SMOC1: variants seen among roughly 807,000 people sequenced by gnomAD.
SMOC1 encodes SPARC-related modular calcium-binding protein 1.
SMOC1 carries 22 observed loss-of-function variants against 56.3 expected under a neutral mutation model. The ratio of observed to expected loss-of-function variants is 0.39; its 90% confidence interval spans 0.28 to 0.56. The LOEUF is 0.56. SMOC1 is among the 20% of genes least tolerant of loss of function. The pLI is 0.61. For synonymous variants in SMOC1, 193 were observed against 215.0 expected (o/e 0.90, Z 0.89); for missense variants, 509 against 565.4 (o/e 0.90, Z 1.01).
chr14:69,992,940 A>C (rs1482689426), intron 6 of SMOC1, among the ~76,000 whole-genome samples: 2 of 152,248 alleles, frequency 1.3e-5, no homozygotes, highest in African/African-American at 4.8e-5. Flanking sequence ...AGAGTGCTTT[A>C]AATTACGGGG....
At chr14:69,934,005 A>G (rs560677028) in intron 1 of SMOC1, among the ~76,000 whole-genome samples, 24 of 152,196 alleles carry the variant, frequency 1.6e-4, no homozygotes, top group Non-Finnish European at 2.6e-4. Flanking sequence ...TTATGTGCCA[A>G]CCCACTCCTT....
intron 1 of SMOC1, among the ~76,000 whole-genome samples, chr14:69,926,941 T>C (rs1885028330): frequency 6.6e-6 from 1 of 152,162 alleles, no homozygotes; most frequent in East Asian, 1.9e-4. Flanking sequence ...GATGTGGTGA[T>C]GATGATGATG....
intron 7 of SMOC1, among the ~76,000 whole-genome samples, chr14:70,004,079 T>C (rs1885066102): frequency 1.3e-5 from 2 of 152,138 alleles, no homozygotes; most frequent in African/African-American, 4.8e-5. Context: ...ACTCCCTGTC[T>C]GGATGGCCAG....
chr14:69,997,143 G>T (rs1160850924), intron 7 of SMOC1, among the ~76,000 whole-genome samples: 2 of 152,186 alleles, frequency 1.3e-5, no homozygotes, highest in South Asian at 2.1e-4. Flanking sequence ...TGTGTATGGG[G>T]ATGTCTTACT....
At chr14:69,954,576 A>G (rs1566687177) in intron 3 of SMOC1, among the ~76,000 whole-genome samples, 1 of 152,148 alleles carries the variant, frequency 6.6e-6, no homozygotes, top group Non-Finnish European at 1.5e-5. Flanking sequence ...CTGAGGTGGG[A>G]GGCAGCCTGG....
At chr14:69,961,519 C>T (rs565294540) in intron 3 of SMOC1, among the ~76,000 whole-genome samples, 5 of 151,466 alleles carry the variant, frequency 3.3e-5, no homozygotes, top group Admixed American at 3.3e-4. Flanking sequence ...TAGCTGGGAC[C>T]ACAGGTGTGC....
intron 3 of SMOC1, among the ~76,000 whole-genome samples, chr14:69,972,642 G>A (rs1360587011): frequency 6.6e-6 from 1 of 152,068 alleles, no homozygotes; most frequent in African/African-American, 2.4e-5. Context: ...TGGGCCAGCC[G>A]GGAGCTGGGA....
chr14:70,001,289 C>A (rs1331253595), intron 7 of SMOC1, among the ~76,000 whole-genome samples: 2 of 152,102 alleles, frequency 1.3e-5, no homozygotes, highest in Admixed American at 6.5e-5. Context: ...GGTCATAGAT[C>A]CATCAAGAAC....
chr14:69,966,743 A>T (rs1883591199), intron 3 of SMOC1, among the ~76,000 whole-genome samples: 1 of 152,206 alleles, frequency 6.6e-6, no homozygotes, highest in Admixed American at 6.5e-5. Flanking sequence ...CTTTACCTTG[A>T]CTTGAGAGCT....
chr14:69,965,305 C>A (rs148817664), intron 3 of SMOC1, among the ~76,000 whole-genome samples: 2 of 151,668 alleles, frequency 1.3e-5, no homozygotes, highest in Non-Finnish European at 2.9e-5. Flanking sequence ...CGCTTGAACC[C>A]GGGAGGTGGA....
chr14:70,010,353 G>A (rs1885293807), intron 7 of SMOC1, among the ~76,000 whole-genome samples: 2 of 152,322 alleles, frequency 1.3e-5, no homozygotes, highest in Admixed American at 6.5e-5. Flanking sequence ...CTGCAGCATA[G>A]CCAGGCTCCT....
chr14:69,908,249 C>A (rs1884463321), intron 1 of SMOC1, among the ~76,000 whole-genome samples: 1 of 152,158 alleles, frequency 6.6e-6, no homozygotes, highest in African/African-American at 2.4e-5. Flanking sequence ...GGTGTTTTCT[C>A]TGGGTGGCAG....
At position 69,879,574 on chromosome 14, in the gene SMOC1, C is replaced by A; in HGVS notation, c.-105C>A. The A allele has an allele frequency of 1.1e-6, 1 of 915,912 alleles. No homozygotes were observed. 56.7% of individuals were successfully genotyped at this position (915,912 alleles called of 1,614,324 possible). ...CGCCGCAGGACCACGGCCCGCTCCC[C>A]GCCGCCGCGAGGGCCCCGAGCGAAG... is the stretch of plus-strand genomic sequence containing the variant. On this transcript the variant is annotated 5_prime_UTR_variant, in exon 1 of 12. Coordinates refer to ENST00000361956, the MANE Select transcript of SMOC1 (RefSeq NM_001034852.3).
chr14:70,009,569 A>C (rs1594853255), intron 7 of SMOC1, among the ~76,000 whole-genome samples: 1 of 152,260 alleles, frequency 6.6e-6, no homozygotes, highest in East Asian at 1.9e-4. Flanking sequence ...GTAAACATTC[A>C]GTGGGTGCCC....
chr14:69,980,387 G>A (rs1340231566), intron 5 of SMOC1, among the ~76,000 whole-genome samples: 1 of 152,134 alleles, frequency 6.6e-6, no homozygotes, highest in Non-Finnish European at 1.5e-5. Context: ...GCTCTGGTGG[G>A]GAATGCTAGG....
At chr14:69,914,865 T>TATTCATTCATTCATTCATTCATTC (rs10699853) in intron 1 of SMOC1, among the ~76,000 whole-genome samples, 4 of 149,302 alleles carry the variant, frequency 2.7e-5, no homozygotes, top group Non-Finnish European at 5.9e-5. Flanking sequence ...TAATTTATTT[T>TATTCATTCATTCATTCATTCATTC]ATTCATTCAT....
intron 7 of SMOC1, among the ~76,000 whole-genome samples, chr14:70,004,112 C>T (rs1382604076): frequency 9.9e-5 from 15 of 152,140 alleles, no homozygotes; most frequent in East Asian, 5.8e-4. Context: ...GGTTACCAAA[C>T]GAGCCTCCAC....
intron 1 of SMOC1, among the ~76,000 whole-genome samples, chr14:69,947,836 G>A (rs1446796300): frequency 3.9e-5 from 6 of 152,216 alleles, no homozygotes; most frequent in African/African-American, 1.4e-4. Flanking sequence ...TGCTGTACTG[G>A]ACAGCACAGA....
chr14:69,883,527 A>T (rs1172924539), intron 1 of SMOC1, among the ~76,000 whole-genome samples: 3 of 152,204 alleles, frequency 2.0e-5, no homozygotes, highest in Admixed American at 1.3e-4. Flanking sequence ...CCATTCATCC[A>T]CTGATAGACA....
Sources: gnomAD v4.1 joint callset for allele counts (sites outside exome capture counted in the v4.1 genomes callset) on GRCh38, gnomAD v4.1.1 for gene constraint, MANE v1.5 for transcripts, NCBI Gene and HGNC (gene_info 2026-07-23, HGNC 2026-07-21) for gene names.